MAPK10: variants seen among roughly 807,000 people sequenced by gnomAD.
The protein encoded by MAPK10 is JNK3 alpha protein kinase.
Under a neutral mutation model 59.3 loss-of-function variants are expected in MAPK10, and 25 were observed. That is an observed-to-expected ratio of 0.42 (90% CI 0.31 to 0.59). The LOEUF (loss-of-function observed/expected upper bound fraction) is 0.59, where lower values mean the gene tolerates loss of function less well. Ranked by LOEUF, MAPK10 falls within the 20% of genes least tolerant of loss-of-function variation. The pLI, the probability that MAPK10 is intolerant of heterozygous loss-of-function variation, is 0.15. For missense variants in MAPK10, 351 were observed against 568.9 expected, an observed-to-expected ratio of 0.62 and a Z score of 3.90; for synonymous variants, 190 against 200.5, an observed-to-expected ratio of 0.95 and a Z score of 0.44.
chr4:86,173,107 G>GAA (rs140687646), intron 3 of MAPK10, among the ~76,000 whole-genome samples: 1 of 150,628 alleles, frequency 6.6e-6, no homozygotes, highest in African/African-American at 2.4e-5. Context: ...CACAGAATTA[G>GAA]AAAAAAAAAC....
chr4:86,549,499 G>T lies in MAPK10; in HGVS notation c.-263+44411C>A, dbSNP rs149302617. ...ACACCATATAAAAAGATAAGAAAGG[G>T]TATACCTATATTGGGCACTTACCAT... is the stretch of plus-strand genomic sequence containing the variant. On this transcript the variant is annotated intron_variant, in intron 1 of 4. Coordinates refer to the MAPK10 transcript ENST00000502302. Among the ~76,000 whole-genome samples the T allele has an allele frequency of 5.9e-5, 9 of 152,270 alleles. No homozygotes were observed. The East Asian group carries it at 1.2e-3, about 20-fold the overall frequency.
chr4:86,303,839 T>C (rs1233371436), intron 2 of MAPK10, among the ~76,000 whole-genome samples: 4 of 152,244 alleles, frequency 2.6e-5, no homozygotes, highest in Non-Finnish European at 5.9e-5. Flanking sequence ...CCATTTGTAT[T>C]GCTACAGATA....
intron 1 of MAPK10, among the ~76,000 whole-genome samples, chr4:86,575,036 C>T (rs1761774710): frequency 1.3e-5 from 2 of 152,128 alleles, no homozygotes; most frequent in African/African-American, 4.8e-5. Context: ...AATAGATTGC[C>T]CTTCCCAGTG....
chr4:86,052,836 C>G (rs1249023753), intron 11 of MAPK10, among the ~76,000 whole-genome samples: 4 of 152,186 alleles, frequency 2.6e-5, no homozygotes, highest in Non-Finnish European at 4.4e-5. Flanking sequence ...CTAGTGTAAG[C>G]CACCATGCCT....
chr4:86,584,384 C>T (rs1762518801), intron 1 of MAPK10, among the ~76,000 whole-genome samples: 1 of 152,166 alleles, frequency 6.6e-6, no homozygotes, highest in South Asian at 2.1e-4. Context: ...AGGAAGTTTA[C>T]AGAGCATATA....
intron 2 of MAPK10, among the ~76,000 whole-genome samples, chr4:86,256,629 C>G (rs2093722294): frequency 6.6e-6 from 1 of 150,494 alleles, no homozygotes; most frequent in Admixed American, 6.6e-5. Flanking sequence ...AAAAATCATA[C>G]TTCTTCTTAT....
intron 2 of MAPK10, among the ~76,000 whole-genome samples, chr4:86,212,023 C>T (rs755828541): frequency 1.3e-4 from 20 of 151,838 alleles, no homozygotes; most frequent in African/African-American, 3.4e-4. Flanking sequence ...GACAGTAATG[C>T]GGGAAATGAG....
chr4:86,514,975 G>A (rs1028783649), intron 1 of MAPK10, among the ~76,000 whole-genome samples: 1 of 152,106 alleles, frequency 6.6e-6, no homozygotes. Flanking sequence ...TGCCCAATGT[G>A]TAGTCTTTTA....
chr4:86,116,913 C>T (rs754443850), intron 4 of MAPK10, among the ~76,000 whole-genome samples: 1 of 152,184 alleles, frequency 6.6e-6, no homozygotes, highest in Admixed American at 6.5e-5. Flanking sequence ...TTCCCAGATT[C>T]ATTATGTAGG....
chr4:86,553,890 A>AG (rs1760051867), intron 1 of MAPK10, among the ~76,000 whole-genome samples: 3 of 136,278 alleles, frequency 2.2e-5, no homozygotes, highest in Non-Finnish European at 5.0e-5. Context: ...ACCACTTCTT[A>AG]ATTTTTTTTT....
intron 2 of MAPK10, among the ~76,000 whole-genome samples, chr4:86,232,232 T>C (rs1052660972): frequency 6.6e-6 from 1 of 152,222 alleles, no homozygotes; most frequent in Admixed American, 6.5e-5. Flanking sequence ...TCCTGGTGTA[T>C]ACCATAAACA....
intron 2 of MAPK10, among the ~76,000 whole-genome samples, chr4:86,304,639 G>T (rs556501042): frequency 2.6e-5 from 4 of 151,860 alleles, no homozygotes; most frequent in Non-Finnish European, 5.9e-5. Flanking sequence ...TGATCCGCCC[G>T]CCTCGGCCTC....
intron 1 of MAPK10, among the ~76,000 whole-genome samples, chr4:86,407,754 GAA>G (rs1219986891): frequency 1.3e-5 from 2 of 151,584 alleles, no homozygotes; most frequent in African/African-American, 2.4e-5. Flanking sequence ...ATAATTGAAA[GAA>G]AACGTTTTTT....
intron 4 of MAPK10, among the ~76,000 whole-genome samples, chr4:86,142,453 G>GT (rs1284399112): frequency 1.4e-4 from 21 of 151,512 alleles, no homozygotes; most frequent in Non-Finnish European, 1.9e-4. Context: ...TTCAATGAAG[G>GT]TTTTTTTTTC....
chr4:86,165,422 G>C (rs1205350451), intron 3 of MAPK10, among the ~76,000 whole-genome samples: 1 of 151,954 alleles, frequency 6.6e-6, no homozygotes, highest in Non-Finnish European at 1.5e-5. Flanking sequence ...CTGTCATCCA[G>C]CCTGGAATGC....
At chr4:86,062,263 A>T (rs1326238416) in intron 11 of MAPK10, among the ~76,000 whole-genome samples, 1 of 152,094 alleles carries the variant, frequency 6.6e-6, no homozygotes, top group East Asian at 1.9e-4. Context: ...CTGGAACTGC[A>T]GGCTCTATCA....
intron 1 of MAPK10, among the ~76,000 whole-genome samples, chr4:86,376,797 T>C (rs1285145925): frequency 6.6e-6 from 1 of 152,220 alleles, no homozygotes; most frequent in East Asian, 1.9e-4. Context: ...ACATGTCTTT[T>C]GAAACTAAAG....
intron 11 of MAPK10, among the ~76,000 whole-genome samples, chr4:86,036,585 T>C (rs2040353845): frequency 6.6e-6 from 1 of 152,170 alleles, no homozygotes; most frequent in South Asian, 2.1e-4. Flanking sequence ...CATGAAGTCA[T>C]ATAGCTAATT....
intron 2 of MAPK10, among the ~76,000 whole-genome samples, chr4:86,312,438 A>G (rs1278402320): frequency 3.9e-5 from 6 of 152,092 alleles, no homozygotes; most frequent in Non-Finnish European, 7.4e-5. Context: ...ATATAAAGCA[A>G]CTTATTGGAA....
Sources: gnomAD v4.1 joint callset for allele counts (sites outside exome capture counted in the v4.1 genomes callset) on GRCh38, gnomAD v4.1.1 for gene constraint, MANE v1.5 for transcripts, NCBI Gene and HGNC (gene_info 2026-07-23, HGNC 2026-07-21) for gene names.